Variants in KHDRBS3 observed in about 807,000 individuals in gnomAD.
KHDRBS3 encodes the protein KH RNA binding domain containing, signal transduction associated 3, also known as KH domain-containing, RNA-binding, signal transduction-associated protein 3.
In KHDRBS3, 23 loss-of-function variants were observed where a neutral mutation model predicts 45.6. That is an observed-to-expected ratio of 0.50 (90% CI 0.36 to 0.72). The LOEUF is 0.72. Ranked by LOEUF, KHDRBS3 falls within the 30% of genes least tolerant of loss-of-function variation. The pLI, the probability that KHDRBS3 is intolerant of heterozygous loss-of-function variation, is 0.00. For synonymous variants in KHDRBS3, 162 were observed against 156.5 expected (o/e 1.04, Z -0.26); for missense variants, 352 against 424.8 (o/e 0.83, Z 1.51).
chr8:135,576,529 T>C (rs1467420691), intron 5 of KHDRBS3, among the ~76,000 whole-genome samples: 1 of 152,218 alleles, frequency 6.6e-6, no homozygotes, highest in Non-Finnish European at 1.5e-5. Context: ...GTTCTTTCAG[T>C]TGGCTTTGAC....
intron 1 of KHDRBS3, among the ~76,000 whole-genome samples, chr8:135,515,257 T>C (rs1824518783): frequency 6.7e-6 from 1 of 149,956 alleles, no homozygotes; most frequent in Admixed American, 6.7e-5. Context: ...TCCCAGCTAC[T>C]GGGGAGGCTG....
intron 7 of KHDRBS3, among the ~76,000 whole-genome samples, chr8:135,632,284 A>C (rs1422411964): frequency 6.6e-6 from 1 of 152,118 alleles, no homozygotes; most frequent in Non-Finnish European, 1.5e-5. Flanking sequence ...GAAGAGCCTT[A>C]GGCCCTCACC....
Position 135,512,254 on chromosome 8 carries a change from C to G in KHDRBS3, c.89-8983C>G, listed in dbSNP as rs972429129. Among the ~76,000 whole-genome samples the G allele has an allele frequency of 2.6e-5, 4 of 151,994 alleles. No homozygotes were observed. The South Asian group carries it at 8.3e-4, about 31-fold the overall frequency. ...ATAGAATTTACGATGGCTGTAAATA[C>G]TCTTTATATTTCTTTTAAAAACAAT... On this transcript the variant is annotated intron_variant, in intron 1 of 8. Coordinates refer to ENST00000355849, the MANE Select transcript of KHDRBS3 (RefSeq NM_006558.3).
At chr8:135,557,641 T>C in intron 5 of KHDRBS3, 54 bp downstream of exon 5, 4 of 1,385,288 alleles carry the variant, frequency 2.9e-6, no homozygotes, top group South Asian at 2.4e-5. Flanking sequence ...TTTTAATATT[T>C]CCTTTATTAG....
intron 1 of KHDRBS3, among the ~76,000 whole-genome samples, chr8:135,467,529 C>G (rs1302134339): frequency 1.3e-5 from 2 of 152,230 alleles, no homozygotes; most frequent in African/African-American, 4.8e-5. Context: ...TCCGCCTTTG[C>G]CTTTCGTGAT....
At chr8:135,459,738 G>A (rs768555816) in intron 1 of KHDRBS3, among the ~76,000 whole-genome samples, 5 of 152,204 alleles carry the variant, frequency 3.3e-5, no homozygotes, top group Non-Finnish European at 4.4e-5. Context: ...TTTCTCTGCC[G>A]TGTTGCCATA....
At chr8:135,654,653 C>T (rs1274187730) in intron 4 of KHDRBS3, among the ~76,000 whole-genome samples, 1 of 152,180 alleles carries the variant, frequency 6.6e-6, no homozygotes, top group East Asian at 1.9e-4. Flanking sequence ...GTCCTGCGAC[C>T]CTTCCTCAGA....
intron 1 of KHDRBS3, among the ~76,000 whole-genome samples, chr8:135,464,330 A>C (rs1260147093): frequency 6.6e-6 from 1 of 152,218 alleles, no homozygotes; most frequent in Admixed American, 6.5e-5. Flanking sequence ...ATTCAAAGTA[A>C]GGATTTTTAA....
chr8:135,474,315 C>T lies in KHDRBS3; in HGVS notation c.88+16361C>T, dbSNP rs147895220. Among the ~76,000 whole-genome samples the T allele has an allele frequency of 1.7e-3, 253 of 152,302 alleles. 1 individual carries two copies. Among genetic ancestry groups the T allele is most frequent in the Non-Finnish European group, 2.8e-3 (190 of 68,030 alleles). ...TCTGATTAAACCAAATCCCAATATTCACAAGAGATTTCATACCACCAACTT... is the reference window on the plus strand; with the variant it reads ...TCTGATTAAACCAAATCCCAATATTTACAAGAGATTTCATACCACCAACTT... On this transcript the variant is annotated intron_variant, in intron 1 of 8. Coordinates refer to ENST00000355849, the MANE Select transcript of KHDRBS3 (RefSeq NM_006558.3).
intron 7 of KHDRBS3, among the ~76,000 whole-genome samples, chr8:135,627,546 G>A (rs1187347947): frequency 1.3e-5 from 2 of 152,292 alleles, no homozygotes; most frequent in South Asian, 4.1e-4. Context: ...AGCAACAAAT[G>A]CCTATTGGTT....
intron 7 of KHDRBS3, among the ~76,000 whole-genome samples, chr8:135,627,240 C>G (rs1028942044): frequency 6.6e-6 from 1 of 152,216 alleles, no homozygotes; most frequent in Non-Finnish European, 1.5e-5. Context: ...CTCTTCCGCA[C>G]TCCTTCACCC....
chr8:135,642,780 G>T (rs1352979770), intron 7 of KHDRBS3, among the ~76,000 whole-genome samples: 1 of 151,290 alleles, frequency 6.6e-6, no homozygotes, highest in African/African-American at 2.4e-5. Context: ...GGAATATTCC[G>T]GTCCAGGCAT....
intron 7 of KHDRBS3, among the ~76,000 whole-genome samples, chr8:135,633,047 G>T (rs1355124605): frequency 5.4e-5 from 2 of 37,194 alleles, no homozygotes; most frequent in Non-Finnish European, 1.1e-4. Context: ...TCTCTTAGCT[G>T]CTCTAACTCT....
chr8:135,507,390 G>A (rs1824057057), intron 1 of KHDRBS3, among the ~76,000 whole-genome samples: 1 of 152,174 alleles, frequency 6.6e-6, no homozygotes. Context: ...GAAATGACTA[G>A]GAATCTGTAT....
At chr8:135,495,133 A>C (rs891946496) in intron 1 of KHDRBS3, among the ~76,000 whole-genome samples, 45 of 152,310 alleles carry the variant, frequency 3.0e-4, no homozygotes, top group Middle Eastern at 3.4e-3. Flanking sequence ...AGGAGCCCAC[A>C]TTTAGCCTCT....
chr8:135,567,904 T>C (rs1827508173), intron 5 of KHDRBS3, among the ~76,000 whole-genome samples: 1 of 152,224 alleles, frequency 6.6e-6, no homozygotes, highest in South Asian at 2.1e-4. Flanking sequence ...GGGTAGCACA[T>C]AGAAAAGAAA....
At chr8:135,599,666 C>CT (rs1280448867) in intron 6 of KHDRBS3, among the ~76,000 whole-genome samples, 1 of 152,176 alleles carries the variant, frequency 6.6e-6, no homozygotes, top group Admixed American at 6.5e-5. Context: ...GCTTTTTACC[C>CT]TTAAGGACCT....
At chr8:135,622,769 A>C (rs1377994489) in intron 7 of KHDRBS3, among the ~76,000 whole-genome samples, 3 of 152,186 alleles carry the variant, frequency 2.0e-5, no homozygotes, top group African/African-American at 7.2e-5. Flanking sequence ...GGAAGAGCCA[A>C]GTAATCCAAT....
At chr8:135,638,058 A>G (rs1176332891) in intron 7 of KHDRBS3, among the ~76,000 whole-genome samples, 1 of 152,180 alleles carries the variant, frequency 6.6e-6, no homozygotes, top group Non-Finnish European at 1.5e-5. Flanking sequence ...ACAAAACCAC[A>G]CAAAACCCCA....
Sources: allele counts gnomAD v4.1 joint callset (sites outside exome capture counted in the v4.1 genomes callset), GRCh38; gene constraint gnomAD v4.1.1; transcripts MANE v1.5; gene names NCBI Gene and HGNC (gene_info 2026-07-23, HGNC 2026-07-21).